The following CCDC3 variants were observed in gnomAD, a reference collection of about 807,000 sequenced individuals.
The protein encoded by CCDC3 is coiled-coil domain containing 3.
In CCDC3, 24 loss-of-function variants were observed where a neutral mutation model predicts 21.4. The ratio of observed to expected loss-of-function variants is 1.12; its 90% CI spans 0.81 to 1.58. CCDC3 has a LOEUF of 1.58. Among genes scored for constraint, CCDC3 ranks in the 40% most tolerant of loss-of-function variants. The probability of loss-of-function intolerance (pLI) is 0.00; values close to 1 mark genes in which losing one functional copy is unlikely to be tolerated. For missense variants in CCDC3, 425 were observed against 360.9 expected (o/e 1.18, Z -1.44); for synonymous variants, 186 against 166.0 (o/e 1.12, Z -0.93).
At chr10:12,956,379 T>C (rs1034694282) in intron 2 of CCDC3, among the ~76,000 whole-genome samples, 3 of 152,282 alleles carry the variant, frequency 2.0e-5, no homozygotes, top group Middle Eastern at 3.4e-3. Flanking sequence ...CAGGGTCCTC[T>C]TTCTGTCATG....
At chr10:13,024,398 C>T (rs751091258) in intron 5 of CCDC3, among the ~76,000 whole-genome samples, 17 of 152,228 alleles carry the variant, frequency 1.1e-4, no homozygotes, top group South Asian at 4.1e-4. Context: ...CAGGATGCTA[C>T]GGGAAAATAC....
rs565938757 is a variant in CCDC3 at position 12,948,664 on chromosome 10, G to A, written c.549+49674C>T. Among the ~76,000 whole-genome samples the A allele has an allele frequency of 6.5e-4, 98 of 149,840 alleles. No homozygotes were observed. The South Asian group carries it at 0.012, about 18-fold the overall frequency. ...TCCAACACCTTAAATTACTAGAAGC[G>A]CTAAATTTGGTGACCAACTGAAGAC... is the stretch of plus-strand genomic sequence containing the variant. On this transcript the variant is annotated intron_variant, in intron 2 of 2. Coordinates refer to ENST00000378825, the MANE Select transcript of CCDC3 (RefSeq NM_031455.4).
chr10:12,955,222 G>C (rs1835064963), intron 2 of CCDC3, among the ~76,000 whole-genome samples: 1 of 152,188 alleles, frequency 6.6e-6, no homozygotes, highest in African/African-American at 2.4e-5. Flanking sequence ...AAGAAGTAAA[G>C]ATCCCTTTAA....
intron 2 of CCDC3, among the ~76,000 whole-genome samples, chr10:12,964,709 C>CTGT (rs1164289853): frequency 6.6e-6 from 1 of 152,160 alleles, no homozygotes; most frequent in Non-Finnish European, 1.5e-5. Context: ...CAAAGGCATC[C>CTGT]TTAACAATGT....
chr10:13,079,167 C>T lies in CCDC3; in HGVS notation c.-502-5067G>A, dbSNP rs544367273. On this transcript the variant is annotated intron_variant, in intron 3 of 6. Coordinates refer to the CCDC3 transcript ENST00000378839. ...TTTCCTTATGGTACCAAGGAACAAG[C>T]ATTCTGTTTTTGAATAAACATTTTA... Among the ~76,000 whole-genome samples the T allele has an allele frequency of 5.9e-5, 9 of 152,330 alleles. No individual in the cohort carries two copies. The South Asian group carries it at 1.9e-3, about 32-fold the overall frequency.
At chr10:12,932,998 A>C (rs1488768104) in intron 2 of CCDC3, among the ~76,000 whole-genome samples, 1 of 152,154 alleles carries the variant, frequency 6.6e-6, no homozygotes, top group African/African-American at 2.4e-5. Flanking sequence ...TTGCATACCC[A>C]GTTTAAATAT....
At chr10:12,915,804 G>C (rs1335672527) in intron 2 of CCDC3, among the ~76,000 whole-genome samples, 1 of 152,182 alleles carries the variant, frequency 6.6e-6, no homozygotes, top group South Asian at 2.1e-4. Context: ...AAGGTATTGT[G>C]GTGGACCTTG....
chr10:12,959,801 T>C (rs1383161827), intron 2 of CCDC3, among the ~76,000 whole-genome samples: 1 of 152,142 alleles, frequency 6.6e-6, no homozygotes, highest in Non-Finnish European at 1.5e-5. Context: ...TTGCGTCCCA[T>C]GGCACCCAAA....
At chr10:13,062,439 TA>T (rs1256245273) in intron 4 of CCDC3, among the ~76,000 whole-genome samples, 11 of 152,208 alleles carry the variant, frequency 7.2e-5, no homozygotes, top group African/African-American at 2.2e-4. Context: ...ACTATTCTCA[TA>T]TTTTAAACCT....
At chr10:12,898,769 G>A (rs985612376) in intron 2 of CCDC3, 90 bp from the exon 3 acceptor site, 3 of 1,477,398 alleles carry the variant, frequency 2.0e-6, no homozygotes, top group African/African-American at 2.8e-5. Flanking sequence ...CCCGAGTGCT[G>A]ACAGCAACAC....
rs11413349 is a variant in CCDC3 at position 12,919,586 on chromosome 10, T to TAAA, written c.550-20910_550-20908dup. 3.8e-3 allele frequency among the ~76,000 whole-genome samples: 498 copies of TAAA among 130,876 alleles called. 3 individuals are homozygous for TAAA. The highest frequency in any genetic ancestry group is 9.2e-3 in the African/African-American group (324 of 35,090). The allele number at this position is 130,876 out of a possible 152,430, so 85.9% of individuals were successfully genotyped here. A position where few individuals can be genotyped will look rare whatever the true frequency, so the allele number is the denominator to read the frequency against. ...GCCTGGGCTACAGAGCAAGACTGTC[T>TAAA]AAAAAAAAAAAAAAAAAAGAAATGA... On this transcript the variant is annotated intron_variant, in intron 2 of 2. Transcript: ENST00000378825.
chr10:12,927,426 AT>A (rs1399420277), intron 2 of CCDC3, among the ~76,000 whole-genome samples: 2 of 152,184 alleles, frequency 1.3e-5, no homozygotes, highest in African/African-American at 4.8e-5. Flanking sequence ...TGCCTCACAG[AT>A]TTCTTTTTTA....
intron 2 of CCDC3, 128 bp from the exon 3 acceptor site, chr10:12,898,807 G>T: frequency 9.1e-7 from 1 of 1,096,142 alleles, no homozygotes; most frequent in Non-Finnish European, 1.3e-6. Flanking sequence ...CCCAGCATGG[G>T]CATAAACCCC....
At chr10:13,042,767 G>A (rs1373014602) in intron 5 of CCDC3, among the ~76,000 whole-genome samples, 1 of 151,886 alleles carries the variant, frequency 6.6e-6, no homozygotes, top group Non-Finnish European at 1.5e-5. Flanking sequence ...AAATTAGCCG[G>A]GTGTGGTGGC....
At chr10:13,067,878 TGGATATCCAA>T (rs71386144) in intron 4 of CCDC3, among the ~76,000 whole-genome samples, 13,072 of 152,296 alleles carry the variant, frequency 0.086, 762 homozygotes, top group Non-Finnish European at 0.13. Context: ...TAATTAAAAG[TGGATATCCAA>T]GTTATAAGTA....
chr10:13,047,170 A>G (rs981180668), intron 5 of CCDC3, among the ~76,000 whole-genome samples: 3 of 150,154 alleles, frequency 2.0e-5, no homozygotes, highest in Non-Finnish European at 4.4e-5. Context: ...GAAAGAACGC[A>G]TGGAAATTGT....
chr10:12,996,508 G>T (rs937410157), intron 2 of CCDC3, among the ~76,000 whole-genome samples: 2 of 152,148 alleles, frequency 1.3e-5, no homozygotes, highest in Non-Finnish European at 2.9e-5. Flanking sequence ...GCTAATTTTT[G>T]TATTTTTAGT....
intron 5 of CCDC3, among the ~76,000 whole-genome samples, chr10:13,011,577 T>C (rs898991321): frequency 2.0e-5 from 3 of 152,118 alleles, no homozygotes; most frequent in Non-Finnish European, 1.5e-5. Flanking sequence ...TGCTCATAGA[T>C]AGAAAGAATC....
intron 1 of CCDC3, chr10:13,099,377 T>TCTCC: frequency 7.5e-6 from 1 of 133,890 alleles, no homozygotes. Flanking sequence ...TCCCTCCCTC[T>TCTCC]CTCCCTCCCT....
Sources: gnomAD v4.1 joint callset for allele counts (sites outside exome capture counted in the v4.1 genomes callset) on GRCh38, gnomAD v4.1.1 for gene constraint, MANE v1.5 for transcripts, NCBI Gene and HGNC (gene_info 2026-07-23, HGNC 2026-07-21) for gene names.